ARIH1: variants seen among roughly 807,000 people sequenced by gnomAD.
The protein encoded by ARIH1 is ariadne RBR E3 ubiquitin protein ligase 1.
A neutral mutation model predicts 85.0 loss-of-function variants in ARIH1; 8 were observed. The ratio of observed to expected loss-of-function variants is 0.09; its 90% CI spans 0.06 to 0.17. The LOEUF (loss-of-function observed/expected upper bound fraction) is 0.17, where lower values mean the gene tolerates loss of function less well. Among genes scored for constraint, ARIH1 ranks in the 10% least tolerant of loss-of-function variants. The pLI, the probability that ARIH1 is intolerant of heterozygous loss-of-function variation, is 1.00. For synonymous variants in ARIH1, 238 were observed against 253.6 expected (o/e 0.94, Z 0.59); for missense variants, 311 against 718.1 (o/e 0.43, Z 6.48).
chr15:72,573,039 C>A (rs2064255528), intron 11 of ARIH1, among the ~76,000 whole-genome samples: 1 of 152,180 alleles, frequency 6.6e-6, no homozygotes, highest in Admixed American at 6.5e-5. Context: ...CCTACATTCA[C>A]CCATTCCATA....
chr15:72,523,742 GGTTATATGGGAGCTGTA>G (rs1271797205), intron 2 of ARIH1, among the ~76,000 whole-genome samples: 1 of 151,932 alleles, frequency 6.6e-6, no homozygotes, highest in African/African-American at 2.4e-5. Flanking sequence ...ATTAGGACAG[GGTTATATGGGAGCTGTA>G]GCTTCTGCAT....
At chr15:72,577,394 C>T (rs574115943) in intron 11 of ARIH1, among the ~76,000 whole-genome samples, 15 of 151,918 alleles carry the variant, frequency 9.9e-5, no homozygotes, top group Non-Finnish European at 1.8e-4. Flanking sequence ...GTGGATCAGC[C>T]GGGCCCAGTG....
chr15:72,522,860 G>T (rs1163115789), intron 2 of ARIH1, among the ~76,000 whole-genome samples: 1 of 152,170 alleles, frequency 6.6e-6, no homozygotes, highest in Admixed American at 6.6e-5. Flanking sequence ...CCTCACCAAA[G>T]AAGTTATACA....
At chr15:72,577,935 T>C (rs971166515) in intron 11 of ARIH1, among the ~76,000 whole-genome samples, 2 of 152,210 alleles carry the variant, frequency 1.3e-5, no homozygotes, top group Non-Finnish European at 2.9e-5. Flanking sequence ...TTAGTTTCAG[T>C]GCTGGTATAA....
At chr15:72,564,450 A>C (rs2064210476) in intron 7 of ARIH1, among the ~76,000 whole-genome samples, 1 of 152,148 alleles carries the variant, frequency 6.6e-6, no homozygotes, top group Admixed American at 6.6e-5. Flanking sequence ...CATTCCCTGC[A>C]CTTCTGTCTT....
In ARIH1 at chr15:72,582,237, T is replaced by A; in HGVS notation, c.1589+50T>A. 7.6e-7 allele frequency: 1 copy of A among 1,310,834 alleles called. No individual in the cohort carries two copies. Among genetic ancestry groups the A allele is most frequent in the Non-Finnish European group, 1.1e-6 (1 of 917,854 alleles). The allele number at this position is 1,310,834 out of a possible 1,614,324, so 81.2% of individuals were successfully genotyped here. On this transcript the variant is annotated intron_variant, in intron 13 of 13. Transcript: ENST00000379887. This position sits in a 1 kb window ranked among gnomAD's most constrained non-coding sequence, Gnocchi z 4.6. ...TAAAACTTTCTGCCAGTGATGATCC[T>A]TACTGGTAAAGTTCAGTGATAGTGA...
chr15:72,566,688 T>C (rs1435504203), intron 8 of ARIH1, 83 bp downstream of exon 8: 9 of 1,233,148 alleles, frequency 7.3e-6, no homozygotes, highest in Middle Eastern at 2.1e-4. Context: ...GATGATTTTG[T>C]TATCTATCTA....
At chr15:72,539,041 G>A (rs572630281) in intron 2 of ARIH1, among the ~76,000 whole-genome samples, 1 of 152,262 alleles carries the variant, frequency 6.6e-6, no homozygotes, top group African/African-American at 2.4e-5. Context: ...GATAGGCAGG[G>A]TTACAGGGAA....
At chr15:72,577,532 G>A (rs1392080145) in intron 11 of ARIH1, among the ~76,000 whole-genome samples, 4 of 151,900 alleles carry the variant, frequency 2.6e-5, no homozygotes, top group African/African-American at 9.7e-5. Flanking sequence ...AATTAGCTGG[G>A]CGTGGTAGCA....
rs2064375372 is a variant in ARIH1, at chr15:72,599,669, A to G, written c.*16377A>G. On this transcript the variant is annotated 3_prime_UTR_variant, in exon 14 of 14. Transcript: ENST00000379887. The stretch of plus-strand genomic sequence containing the variant: ...TATTTTTTTAAACATGAATGGAAGC[A>G]TACTATATTTTCTACACTTTATTTG... The G allele has an allele frequency of 6.6e-6, 1 of 152,172 alleles. No homozygotes were observed. The highest frequency in any genetic ancestry group is 1.5e-5 in the Non-Finnish European group (1 of 68,032). The allele number at this position is 152,172 out of a possible 1,614,324, so 9.4% of individuals were successfully genotyped here.
rs150391324 is a variant in ARIH1 at position 72,494,700 on chromosome 15, C to T, written c.375+19686C>T. 1.3e-3 allele frequency among the ~76,000 whole-genome samples: 195 copies of T among 151,542 alleles called. 1 individual carries two copies. The highest frequency in any genetic ancestry group is 4.5e-3 in the African/African-American group (187 of 41,212). ...CTATAGGAAATAAATGAGAACAGGA[C>T]GGGATTAGGAAACTGGGAGAGTAGT... On this transcript the variant is annotated intron_variant, in intron 1 of 13. Coordinates refer to ENST00000379887, the MANE Select transcript of ARIH1 (RefSeq NM_005744.5).
Position 72,582,341 on chromosome 15 carries a change from G to A in ARIH1, c.1589+154G>A, listed in dbSNP as rs140914045. On this transcript the variant is annotated intron_variant, in intron 13 of 13. Transcript: ENST00000379887. This position sits in a 1 kb window ranked among gnomAD's most constrained non-coding sequence, Gnocchi z 4.6. ...GCTTCTGTCCGTTGGGCACTAAATT[G>A]CAGGTAATAGTATTGGTGAAGCATA... Among the ~76,000 whole-genome samples, 203 of 152,240 alleles carry A rather than the reference G, an allele frequency of 1.3e-3. No homozygotes were observed. The highest frequency in any genetic ancestry group is 4.1e-3 in the South Asian group (20 of 4,822).
At chr15:72,573,104 G>A (rs2064255736) in intron 11 of ARIH1, among the ~76,000 whole-genome samples, 1 of 152,174 alleles carries the variant, frequency 6.6e-6, no homozygotes, top group African/African-American at 2.4e-5. Context: ...TTCCTAGCCA[G>A]GGTACAATCT....
At chr15:72,554,647 A>G (rs2064167330) in intron 3 of ARIH1, among the ~76,000 whole-genome samples, 1 of 152,134 alleles carries the variant, frequency 6.6e-6, no homozygotes, top group Non-Finnish European at 1.5e-5. Context: ...TCAGCCACAC[A>G]AAGTGCTGGG....
intron 4 of ARIH1, among the ~76,000 whole-genome samples, 188 bp downstream of exon 4, chr15:72,555,551 G>A (rs559753365): frequency 4.6e-5 from 7 of 152,298 alleles, no homozygotes; most frequent in African/African-American, 1.7e-4. Context: ...TCCAGGTAAC[G>A]TTTTCTCAGC....
At chr15:72,536,910 A>T (rs1251313327) in intron 2 of ARIH1, among the ~76,000 whole-genome samples, 1 of 152,194 alleles carries the variant, frequency 6.6e-6, no homozygotes, top group African/African-American at 2.4e-5. Flanking sequence ...TTTTAAAAAA[A>T]ATTAGGCTAA....
Position 72,583,437 on chromosome 15 carries a change from A to C in ARIH1, c.*145A>C. On this transcript the variant is annotated 3_prime_UTR_variant, in exon 14 of 14. Transcript: ENST00000379887. ...TACCAGAATTGTTTTGTTAATGGAA[A>C]GTTTAAGTAAATTATATTGTAATAA... The C allele has an allele frequency of 3.6e-6, 2 of 554,458 alleles. No homozygotes were observed. The highest frequency in any genetic ancestry group is 6.3e-5 in the South Asian group (2 of 31,506). 34.3% of individuals were successfully genotyped at this position (554,458 alleles called of 1,614,324 possible).
intron 3 of ARIH1, among the ~76,000 whole-genome samples, chr15:72,551,875 ATAT>A (rs1302920669): frequency 6.6e-6 from 1 of 152,196 alleles, no homozygotes; most frequent in African/African-American, 2.4e-5. Flanking sequence ...CTTTTTTGAA[ATAT>A]TATAATTTCA....
At position 72,477,866 on chromosome 15, in the gene ARIH1, C is replaced by T. The variant is rs59583123; in HGVS notation, c.375+2852C>T. Among the ~76,000 whole-genome samples, 872 of 152,218 alleles carry T rather than the reference C, an allele frequency of 5.7e-3. 13 individuals carry two copies. Among genetic ancestry groups the T allele is most frequent in the African/African-American group, 0.02 (839 of 41,534 alleles). On this transcript the variant is annotated intron_variant, in intron 1 of 13. Coordinates refer to ENST00000379887, the MANE Select transcript of ARIH1 (RefSeq NM_005744.5). Reference sequence around the variant, plus strand: ...TGTCACCCAGGCTGTAGTGCAGTCGCGTGATCTCAGCTTACTGCAACCTCT... The same window carrying T: ...TGTCACCCAGGCTGTAGTGCAGTCGTGTGATCTCAGCTTACTGCAACCTCT...
Sources: allele counts gnomAD v4.1 joint callset (sites outside exome capture counted in the v4.1 genomes callset), GRCh38; gene constraint gnomAD v4.1.1; non-coding constraint Gnocchi (gnomAD v3.1); transcripts MANE v1.5; gene names NCBI Gene and HGNC (gene_info 2026-07-23, HGNC 2026-07-21).